Variants in DYRK1A observed in about 807,000 individuals in gnomAD.
DYRK1A encodes the protein dual specificity tyrosine phosphorylation regulated kinase 1A.
Under a neutral mutation model 79.7 loss-of-function variants are expected in DYRK1A, and 9 were observed. That is an observed-to-expected ratio of 0.11 (90% CI 0.07 to 0.20). The LOEUF (loss-of-function observed/expected upper bound fraction) is 0.20, where lower values mean the gene tolerates loss of function less well. Among genes scored for constraint, DYRK1A ranks in the 10% least tolerant of loss-of-function variants. The pLI, the probability that DYRK1A is intolerant of heterozygous loss-of-function variation, is 1.00. For missense variants in DYRK1A, 622 were observed against 956.0 expected (o/e 0.65, Z 4.61); for synonymous variants, 349 against 329.7 (o/e 1.06, Z -0.63).
intron 6 of DYRK1A, among the ~76,000 whole-genome samples, chr21:37,489,087 G>T (rs953020563): frequency 1.7e-4 from 26 of 152,232 alleles, no homozygotes; most frequent in Admixed American, 1.1e-3. Flanking sequence ...GATGTTCACT[G>T]CTTTGAGGCA....
At chr21:37,411,599 T>C (rs912973931) in intron 1 of DYRK1A, among the ~76,000 whole-genome samples, 1 of 152,186 alleles carries the variant, frequency 6.6e-6, no homozygotes, top group Non-Finnish European at 1.5e-5. Context: ...AAATGTCATA[T>C]GTATTAGGAT....
chr21:37,485,811 T>G (rs1423387465), intron 5 of DYRK1A, among the ~76,000 whole-genome samples: 2 of 152,214 alleles, frequency 1.3e-5, no homozygotes, highest in Non-Finnish European at 2.9e-5. Context: ...CATGGTGATG[T>G]GTGCTCATGA....
chr21:37,461,766 T>C (rs1052052582), intron 2 of DYRK1A, among the ~76,000 whole-genome samples: 1 of 152,172 alleles, frequency 6.6e-6, no homozygotes, highest in African/African-American at 2.4e-5. Flanking sequence ...AACAGGTGTT[T>C]TTGTCTCTGG....
chr21:37,470,182 C>T (rs1053545298), intron 2 of DYRK1A, among the ~76,000 whole-genome samples: 4 of 151,862 alleles, frequency 2.6e-5, no homozygotes, highest in African/African-American at 4.8e-5. Context: ...TTTTGGAGGT[C>T]AGGATAGTAG....
intron 1 of DYRK1A, among the ~76,000 whole-genome samples, chr21:37,368,494 T>C (rs937662474): frequency 5.3e-5 from 8 of 152,156 alleles, no homozygotes; most frequent in African/African-American, 1.9e-4. Flanking sequence ...CGCCCAACCC[T>C]AGGTGACACG....
Position 37,505,441 on chromosome 21 carries a change from T to G in DYRK1A, c.1371T>G (p.Thr457=). The change falls in exon 10 of 12, where the codon ACT becomes ACG. Residue 457 remains threonine, a synonymous_variant. Coordinates refer to ENST00000647188, the MANE Select transcript of DYRK1A (RefSeq NM_001347721.2). The part of the protein sequence containing the change: ...ILRMLDYDPK[T]RIQPYYALQH... ...GGATGCTTGATTATGACCCCAAAAC[T>G]CGAATTCAACCTTATTATGCTCTGC... is the stretch of plus-strand genomic sequence containing the variant. The G allele has an allele frequency of 6.2e-7, 1 of 1,614,094 alleles. No individual in the cohort carries two copies. The highest frequency in any genetic ancestry group is 8.5e-7 in the Non-Finnish European group (1 of 1,180,016).
intron 1 of DYRK1A, among the ~76,000 whole-genome samples, chr21:37,385,888 G>A (rs2049750182): frequency 6.6e-6 from 1 of 152,250 alleles, no homozygotes; most frequent in South Asian, 2.1e-4. Flanking sequence ...TGGTATGAAG[G>A]AAATAAGCCT....
At chr21:37,463,203 CGTGT>C (rs6147501) in intron 2 of DYRK1A, among the ~76,000 whole-genome samples, 4,874 of 145,308 alleles carry the variant, frequency 0.034, 93 homozygotes, top group Admixed American at 0.043. Context: ...AATGTTGGCA[CGTGT>C]GTGTGTGTGT....
chr21:37,399,429 C>T (rs1459533103), intron 1 of DYRK1A, among the ~76,000 whole-genome samples: 2 of 151,570 alleles, frequency 1.3e-5, no homozygotes, highest in Non-Finnish European at 2.9e-5. Context: ...GTGCGGGAAC[C>T]ATTCCTGCAG....
intron 3 of DYRK1A, among the ~76,000 whole-genome samples, chr21:37,476,511 A>C (rs572714285): frequency 1.1e-4 from 17 of 152,328 alleles, no homozygotes; most frequent in Admixed American, 9.8e-4. Context: ...CCAGCCCAAG[A>C]AAGGGGCTTA....
chr21:37,421,024 T>C (rs2050460639), intron 2 of DYRK1A, among the ~76,000 whole-genome samples: 1 of 152,116 alleles, frequency 6.6e-6, no homozygotes, highest in Non-Finnish European at 1.5e-5. Context: ...AACTGGAGGC[T>C]ATTCCACACA....
At chr21:37,462,281 C>T (rs901371138) in intron 2 of DYRK1A, among the ~76,000 whole-genome samples, 2 of 152,066 alleles carry the variant, frequency 1.3e-5, no homozygotes, top group Non-Finnish European at 2.9e-5. Context: ...TTTTGTTGTT[C>T]TCTTTAAAGA....
At chr21:37,492,361 C>G (rs1192829968) in intron 7 of DYRK1A, among the ~76,000 whole-genome samples, 1 of 152,092 alleles carries the variant, frequency 6.6e-6, no homozygotes, top group African/African-American at 2.4e-5. Flanking sequence ...ACAAATTGGT[C>G]TCTGAAGACA....
chr21:37,371,227 A>C (rs528238884), intron 1 of DYRK1A, among the ~76,000 whole-genome samples: 2 of 152,326 alleles, frequency 1.3e-5, no homozygotes, highest in East Asian at 3.9e-4. Flanking sequence ...TGAAAGTGAA[A>C]TGTAGACTTC....
intron 1 of DYRK1A, among the ~76,000 whole-genome samples, chr21:37,411,210 G>C (rs1602429901): frequency 1.3e-5 from 2 of 151,924 alleles, no homozygotes; most frequent in African/African-American, 4.8e-5. Flanking sequence ...CAAAAAATTA[G>C]CCAGGCGTGA....
chr21:37,437,369 T>C (rs1057139243), intron 2 of DYRK1A, among the ~76,000 whole-genome samples: 1 of 152,134 alleles, frequency 6.6e-6, no homozygotes, highest in African/African-American at 2.4e-5. Flanking sequence ...AAACGAGATA[T>C]GTTGTAGGAG....
chr21:37,438,115 G>A (rs192176203), intron 2 of DYRK1A, among the ~76,000 whole-genome samples: 2 of 151,886 alleles, frequency 1.3e-5, no homozygotes, highest in East Asian at 3.9e-4. Context: ...GTACTTTTTT[G>A]CCCCCTGTAT....
intron 2 of DYRK1A, among the ~76,000 whole-genome samples, chr21:37,426,352 G>A (rs2050617914): frequency 6.6e-6 from 1 of 152,128 alleles, no homozygotes; most frequent in Admixed American, 6.5e-5. Context: ...TAAGAGAAAA[G>A]CATAAGGAGC....
chr21:37,443,053 G>T (rs1394298879), intron 2 of DYRK1A, among the ~76,000 whole-genome samples: 1 of 152,070 alleles, frequency 6.6e-6, no homozygotes, highest in Non-Finnish European at 1.5e-5. Context: ...GCCCAGGCTG[G>T]TCTCAAGGGA....
Sources: allele counts gnomAD v4.1 joint callset (sites outside exome capture counted in the v4.1 genomes callset), GRCh38; gene constraint gnomAD v4.1.1; transcripts MANE v1.5; gene names NCBI Gene and HGNC (gene_info 2026-07-23, HGNC 2026-07-21).